The following EFCAB3 variants were observed in gnomAD, a reference collection of about 807,000 sequenced individuals.
The protein encoded by EFCAB3 is EF-hand calcium-binding domain-containing protein 3.
Under a neutral mutation model 42.2 loss-of-function variants are expected in EFCAB3, and 36 were observed. The observed-to-expected ratio is 0.85, with a 90% CI of 0.65 to 1.13. The LOEUF (loss-of-function observed/expected upper bound fraction) is 1.13, where lower values mean the gene tolerates loss of function less well. EFCAB3 is among the 50% of genes most tolerant of loss of function. EFCAB3 has a pLI of 0.00. For missense variants in EFCAB3, 418 were observed against 505.1 expected (o/e 0.83, Z 1.65); for synonymous variants, 170 against 172.8 (o/e 0.98, Z 0.13).
intron 7 of EFCAB3, 142 bp from the exon 8 acceptor site, chr17:62,406,879 TGGGTGGG>T: frequency 5.8e-6 from 2 of 346,922 alleles, no homozygotes; most frequent in Non-Finnish European, 1.0e-5. Context: ...AGTCTGTGGA[TGGGTGGG>T]GGGTGGGAGC....
upstream of EFCAB3, among the ~76,000 whole-genome samples, chr17:62,375,872 A>G (rs151107975): frequency 6.6e-6 from 1 of 151,582 alleles, no homozygotes; most frequent in Non-Finnish European, 1.5e-5. Flanking sequence ...TCTTCTCCAT[A>G]TCTCTAAAAA....
intron 1 of EFCAB3, 22 bp downstream of exon 1, chr17:62,380,635 G>A (rs2070188216): frequency 1.0e-6 from 1 of 976,614 alleles, no homozygotes; most frequent in Non-Finnish European, 1.2e-6. Flanking sequence ...GATTTTGTAG[G>A]ATTCTATGCT....
upstream of EFCAB3, among the ~76,000 whole-genome samples, chr17:62,376,704 T>C (rs531498244): frequency 6.6e-6 from 1 of 152,266 alleles, no homozygotes; most frequent in Admixed American, 6.5e-5. Flanking sequence ...TTCAGCTACC[T>C]AAGCGTGATA....
intron 5 of EFCAB3, among the ~76,000 whole-genome samples, chr17:62,393,958 CT>C (rs34962512): frequency 0.67 from 95,362 of 141,818 alleles, 37,206 homozygotes; most frequent in Non-Finnish European, 0.89. Flanking sequence ...ATTATTTTGT[CT>C]TTTTTTTTTT....
intron 6 of EFCAB3, chr17:62,398,107 C>A: frequency 6.4e-6 from 2 of 312,992 alleles, no homozygotes; most frequent in Admixed American, 3.7e-5. Flanking sequence ...TCTTTTGGCC[C>A]TATACAAAGG....
intron 6 of EFCAB3, among the ~76,000 whole-genome samples, chr17:62,396,761 G>A (rs1248310982): frequency 1.3e-5 from 2 of 151,680 alleles, no homozygotes; most frequent in African/African-American, 2.4e-5. Context: ...GCATGGTGGC[G>A]AATACCTGTA....
At chr17:62,413,656 T>G (rs2070518860) in intron 8 of EFCAB3, 76 bp from the exon 9 acceptor site, 8 of 1,159,720 alleles carry the variant, frequency 6.9e-6, no homozygotes, top group Non-Finnish European at 9.5e-6. Context: ...TAAAATATAC[T>G]TATTTATTAT....
At chr17:62,414,936 T>C (rs907142159) in intron 9 of EFCAB3, among the ~76,000 whole-genome samples, 22 of 151,824 alleles carry the variant, frequency 1.4e-4, no homozygotes, top group African/African-American at 5.3e-4. Context: ...AAACCCCGTC[T>C]CTACTAAAAA....
upstream of EFCAB3, chr17:62,377,903 C>A: frequency 1.5e-6 from 2 of 1,303,262 alleles, no homozygotes; most frequent in Non-Finnish European, 2.1e-6. Context: ...AAATTATGCC[C>A]TCCTAGTCTA....
intron 1 of EFCAB3, among the ~76,000 whole-genome samples, chr17:62,373,026 A>T (rs564534663): frequency 2.0e-5 from 3 of 152,310 alleles, no homozygotes; most frequent in Admixed American, 6.5e-5. Flanking sequence ...TAAGCCTGTA[A>T]TCCCAGAACT....
At chr17:62,383,472 CA>C (rs945334609) in intron 2 of EFCAB3, among the ~76,000 whole-genome samples, 5 of 149,204 alleles carry the variant, frequency 3.4e-5, no homozygotes, top group African/African-American at 1.2e-4. Context: ...GACTCCATCT[CA>C]AAAAAAAATT....
At chr17:62,415,967 A>T in intron 9 of EFCAB3, 36 bp from the exon 10 acceptor site, 1 of 1,511,004 alleles carries the variant, frequency 6.6e-7, no homozygotes, top group South Asian at 1.3e-5. Context: ...AGCTACTTTA[A>T]GGTAACTACA....
At chr17:62,397,650 T>A in intron 6 of EFCAB3, 1 of 597,348 alleles carries the variant, frequency 1.7e-6, no homozygotes, top group Non-Finnish European at 3.3e-6. Flanking sequence ...AGCAAGAAAA[T>A]CACAGCCTTT....
chr17:62,391,986 T>C (rs2070306863), intron 4 of EFCAB3, 21 bp downstream of exon 4: 2 of 1,575,562 alleles, frequency 1.3e-6, no homozygotes, highest in Middle Eastern at 1.7e-4. Flanking sequence ...TGGCTTCTCA[T>C]TGTTTTTCTC....
In EFCAB3 at chr17:62,406,508, G is replaced by T; in HGVS notation, c.517G>T (p.Gly173Cys). ...TTTCCAAAGAAAATTCCAGCATACTGGCCCAGGAATGTTGTGGAGTCCCTA... is the reference window on the plus strand; with the variant it reads ...TTTCCAAAGAAAATTCCAGCATACTTGCCCAGGAATGTTGTGGAGTCCCTA... ...SYFQRKFQHT[G>C]PGMLWSPYTM... The change falls in exon 7 of 10, where the codon GGC becomes TGC. Residue 173 changes from glycine to cysteine, a missense_variant. Gly to Cys is a radical substitution (Grantham distance 159). Coordinates refer to ENST00000305286, the MANE Select transcript of EFCAB3 (RefSeq NM_173503.4). The T allele has an allele frequency of 6.2e-7, 1 of 1,604,880 alleles. No individual in the cohort carries two copies. Among genetic ancestry groups the T allele is most frequent in the Non-Finnish European group, 8.5e-7 (1 of 1,175,128 alleles).
intron 6 of EFCAB3, among the ~76,000 whole-genome samples, chr17:62,404,068 A>G (rs2144102310): frequency 6.6e-6 from 1 of 152,286 alleles, no homozygotes; most frequent in South Asian, 2.1e-4. Context: ...TTTGTGAGTC[A>G]GTTTCCTAGG....
chr17:62,412,439 G>A (rs1183789252), intron 8 of EFCAB3, among the ~76,000 whole-genome samples: 1 of 150,602 alleles, frequency 6.6e-6, no homozygotes, highest in Non-Finnish European at 1.5e-5. Flanking sequence ...ACTTTAATGT[G>A]ATTTTTTCAA....
chr17:62,392,292 A>T (rs1275622878), intron 4 of EFCAB3, among the ~76,000 whole-genome samples: 1 of 151,388 alleles, frequency 6.6e-6, no homozygotes, highest in Admixed American at 6.6e-5. Context: ...GGACACACAC[A>T]TATATGTGTG....
chr17:62,376,092 T>A (rs572894042), upstream of EFCAB3, among the ~76,000 whole-genome samples: 123 of 152,334 alleles, frequency 8.1e-4, no homozygotes, highest in Middle Eastern at 0.01. Context: ...AATTTAGATG[T>A]TTTAAAGTAT....
Sources: allele counts gnomAD v4.1 joint callset (sites outside exome capture counted in the v4.1 genomes callset), GRCh38; gene constraint gnomAD v4.1.1; transcripts MANE v1.5; gene names NCBI Gene and HGNC (gene_info 2026-07-23, HGNC 2026-07-21).